SPSB4: variants seen among roughly 807,000 people sequenced by gnomAD.
SPSB4 encodes the protein splA/ryanodine receptor domain and SOCS box containing 4, also known as SPRY domain-containing SOCS box protein 4.
SPSB4 carries 21 observed loss-of-function variants against 20.9 expected under a neutral mutation model. The ratio of observed to expected loss-of-function variants is 1.01; its 90% CI spans 0.71 to 1.45. SPSB4 has a LOEUF of 1.45. SPSB4 is among the 40% of genes most tolerant of loss of function. The pLI, the probability that SPSB4 is intolerant of heterozygous loss-of-function variation, is 0.00. For synonymous variants in SPSB4, 207 were observed against 183.8 expected, an observed-to-expected ratio of 1.13 and a Z score of -1.02; for missense variants, 399 against 399.2, an observed-to-expected ratio of 1.00 and a Z score of 0.00.
intron 2 of SPSB4, among the ~76,000 whole-genome samples, chr3:141,095,095 A>G (rs1938524070): frequency 6.6e-6 from 1 of 151,820 alleles, no homozygotes; most frequent in African/African-American, 2.4e-5. Context: ...GTCGGTCCCT[A>G]TTTGAGTTAG....
chr3:141,129,803 G>A (rs769774705), intron 2 of SPSB4, among the ~76,000 whole-genome samples: 1 of 152,234 alleles, frequency 6.6e-6, no homozygotes, highest in Non-Finnish European at 1.5e-5. Context: ...GCTTTGCAGC[G>A]TTGCTAGGGA....
intron 2 of SPSB4, among the ~76,000 whole-genome samples, chr3:141,138,876 T>C (rs1055226496): frequency 6.6e-6 from 1 of 152,186 alleles, no homozygotes; most frequent in Non-Finnish European, 1.5e-5. Flanking sequence ...CTGAGTTCAA[T>C]TCCTGGATAT....
intron 2 of SPSB4, among the ~76,000 whole-genome samples, chr3:141,134,707 G>T (rs976994183): frequency 1.3e-5 from 2 of 151,974 alleles, no homozygotes; most frequent in Non-Finnish European, 1.5e-5. Context: ...ATATGCTGCC[G>T]AATTCAGTTA....
chr3:141,059,375 CT>C (rs778297014), intron 1 of SPSB4, among the ~76,000 whole-genome samples: 1 of 151,896 alleles, frequency 6.6e-6, no homozygotes, highest in Non-Finnish European at 1.5e-5. Flanking sequence ...GTTCTGCAGG[CT>C]TTACAGGAAG....
chr3:141,073,871 G>A (rs900408098), intron 2 of SPSB4, among the ~76,000 whole-genome samples: 1 of 152,160 alleles, frequency 6.6e-6, no homozygotes, highest in Non-Finnish European at 1.5e-5. Context: ...TGCTTGATGG[G>A]TCAGGCATGT....
chr3:141,064,835 G>A (rs1937833808), intron 1 of SPSB4, among the ~76,000 whole-genome samples: 1 of 152,308 alleles, frequency 6.6e-6, no homozygotes, highest in East Asian at 1.9e-4. Flanking sequence ...GTTCTGTCTG[G>A]TTTCCTAGTG....
intron 1 of SPSB4, among the ~76,000 whole-genome samples, chr3:141,061,205 T>C (rs1458688614): frequency 6.6e-6 from 1 of 152,148 alleles, no homozygotes; most frequent in Non-Finnish European, 1.5e-5. Context: ...AATTACATAA[T>C]TTTTAGGTGA....
intron 2 of SPSB4, among the ~76,000 whole-genome samples, chr3:141,068,352 C>T (rs1432284921): frequency 6.6e-6 from 1 of 152,236 alleles, no homozygotes; most frequent in African/African-American, 2.4e-5. Flanking sequence ...CTAATTTAGT[C>T]ATCACAGTGC....
intron 2 of SPSB4, among the ~76,000 whole-genome samples, chr3:141,112,641 T>A: frequency 1.9e-5 from 1 of 53,504 alleles, no homozygotes; most frequent in African/African-American, 1.2e-4. Context: ...CGAGACTCCG[T>A]CTCAAAAAAA....
chr3:141,067,590 C>T (rs1031624439), intron 2 of SPSB4, among the ~76,000 whole-genome samples: 24 of 152,340 alleles, frequency 1.6e-4, no homozygotes, highest in African/African-American at 5.5e-4. Context: ...ATGGCTTCCT[C>T]TCATTTAATA....
intron 2 of SPSB4, among the ~76,000 whole-genome samples, chr3:141,091,206 G>T (rs1417293721): frequency 6.6e-6 from 1 of 152,218 alleles, no homozygotes; most frequent in East Asian, 1.9e-4. Context: ...GAAATCCCCT[G>T]GCGAAGGAGG....
At position 141,073,533 on chromosome 3, in the gene SPSB4, G is replaced by A. The variant is rs571616106; in HGVS notation, c.694+6735G>A. Among the ~76,000 whole-genome samples, 6 of 152,268 alleles carry A rather than the reference G, an allele frequency of 3.9e-5. 1 individual carries two copies. In the South Asian group the frequency reaches 8.3e-4, roughly 21 times the overall value. On this transcript the variant is annotated intron_variant, in intron 2 of 2. Coordinates refer to ENST00000310546, the MANE Select transcript of SPSB4 (RefSeq NM_080862.3). ...TTACTTCACAGAATAAGCCCATAAT[G>A]TGTGTGTTTTGCTTTTCTGTTATTG... is the stretch of plus-strand genomic sequence containing the variant.
At chr3:141,112,078 G>A (rs1938807162) in intron 2 of SPSB4, among the ~76,000 whole-genome samples, 1 of 152,214 alleles carries the variant, frequency 6.6e-6, no homozygotes, top group Non-Finnish European at 1.5e-5. Context: ...GAGGCACCAT[G>A]CGTGTCAGTC....
intron 2 of SPSB4, chr3:141,077,062 C>G (rs1268199299): frequency 6.6e-6 from 1 of 152,166 alleles, no homozygotes; most frequent in Non-Finnish European, 1.5e-5. Flanking sequence ...TTGGTTAAAG[C>G]AAGGGGGCGG....
chr3:141,064,700 A>C (rs1238624653), intron 1 of SPSB4, among the ~76,000 whole-genome samples: 1 of 152,114 alleles, frequency 6.6e-6, no homozygotes, highest in Non-Finnish European at 1.5e-5. Context: ...GCTCAGGAGA[A>C]GTTGTTCTAG....
At chr3:141,094,305 C>T (rs1206106058) in intron 2 of SPSB4, among the ~76,000 whole-genome samples, 1 of 152,236 alleles carries the variant, frequency 6.6e-6, no homozygotes, top group Non-Finnish European at 1.5e-5. Context: ...AGAGCAGGTG[C>T]ATGGGAACTT....
At chr3:141,125,288 G>A (rs966922737) in intron 2 of SPSB4, among the ~76,000 whole-genome samples, 3 of 152,212 alleles carry the variant, frequency 2.0e-5, no homozygotes, top group African/African-American at 4.8e-5. Flanking sequence ...CTCTTTGGAA[G>A]TGAATTTTCT....
At chr3:141,082,438 T>C (rs4683545) in intron 2 of SPSB4, among the ~76,000 whole-genome samples, 146,012 of 151,464 alleles carry the variant, frequency 0.96, 70,281 homozygotes, top group East Asian at 1. Context: ...GTTCATTGCT[T>C]AGGTCTGGCT....
chr3:141,066,604 C>A lies in SPSB4; in HGVS notation c.500C>A (p.Pro167His). Residue 167 changes from proline to histidine, a missense_variant, in exon 2 of 3, where the codon CCC (proline) becomes CAC (histidine). Transcript: ENST00000310546. ...GTGGCCTACCCGGCCTTTCTGGGGC[C>A]CGACGAGGCCTTTGCGCTGCCCGAC... is the stretch of plus-strand genomic sequence containing the variant. ...PGVAYPAFLGPDEAFALPDSL... is the reference protein window; with the variant it reads ...PGVAYPAFLGHDEAFALPDSL... 6.3e-7 allele frequency: 1 copy of A among 1,584,912 alleles called. No individual in the cohort carries two copies. Among genetic ancestry groups the A allele is most frequent in the African/African-American group, 1.3e-5 (1 of 74,452 alleles).
Sources: allele counts gnomAD v4.1 joint callset (sites outside exome capture counted in the v4.1 genomes callset), GRCh38; gene constraint gnomAD v4.1.1; transcripts MANE v1.5; gene names NCBI Gene and HGNC (gene_info 2026-07-23, HGNC 2026-07-21).